Variants in SIK2 observed in about 807,000 individuals in gnomAD.
SIK2 encodes serine/threonine-protein kinase SIK2.
SIK2 carries 29 observed loss-of-function variants against 103.2 expected under a neutral mutation model. The observed-to-expected ratio is 0.28, with a 90% CI of 0.21 to 0.38. The LOEUF (loss-of-function observed/expected upper bound fraction) is 0.38, where lower values mean the gene tolerates loss of function less well. Among genes scored for constraint, SIK2 ranks in the 10% least tolerant of loss-of-function variants. The pLI, the probability that SIK2 is intolerant of heterozygous loss-of-function variation, is 1.00. For synonymous variants in SIK2, 412 were observed against 446.1 expected (o/e 0.92, Z 0.96); for missense variants, 879 against 1,171.0 (o/e 0.75, Z 3.64).
Position 111,719,808 on chromosome 11 carries a change from G to C in SIK2, c.1300G>C (p.Val434Leu). 6.2e-7 allele frequency: 1 copy of C among 1,614,140 alleles called. No individual in the cohort carries two copies. The highest frequency in any genetic ancestry group is 8.5e-7 in the Non-Finnish European group (1 of 1,180,030). Residue 434 changes from valine to leucine, a missense_variant, in exon 10 of 15, where the codon GTC becomes CTC. Physicochemically the swap from Val to Leu is conservative, Grantham distance 32 (BLOSUM62 1). Transcript: ENST00000304987. ...NGCLLDPVPP[V>L]LVRKGCQSLP... The stretch of plus-strand genomic sequence containing the variant: ...CTGTCTGCTTGACCCTGTGCCTCCT[G>C]TCCTGGTGCGGAAGGGATGCCAGTC...
At chr11:111,680,753 T>C (rs1341701716) in intron 3 of SIK2, among the ~76,000 whole-genome samples, 2 of 152,218 alleles carry the variant, frequency 1.3e-5, no homozygotes, top group Non-Finnish European at 2.9e-5. Flanking sequence ...GGGATACCAC[T>C]AAGCAGTGAC....
At chr11:111,684,091 T>C (rs188658087) in intron 3 of SIK2, among the ~76,000 whole-genome samples, 5 of 152,328 alleles carry the variant, frequency 3.3e-5, no homozygotes, top group Admixed American at 6.5e-5. Context: ...TCACACTGTG[T>C]GTGAGATTAC....
intron 7 of SIK2, 21 bp downstream of exon 7, chr11:111,703,444 G>C (rs375042738): frequency 6.2e-7 from 1 of 1,608,240 alleles, no homozygotes; most frequent in African/African-American, 1.3e-5. Context: ...CAGAGATTTC[G>C]GGGTTCTACT....
At position 111,602,726 on chromosome 11, in the gene SIK2, C is replaced by A; in HGVS notation, c.135+28C>A. On this transcript the variant is annotated intron_variant, in intron 1 of 14. Coordinates refer to ENST00000304987, the MANE Select transcript of SIK2 (RefSeq NM_015191.3). The surrounding 1 kb of genome is among the most constrained non-coding windows in gnomAD (Gnocchi z 4.5). ...GCGGCCCGGGGCTCGGCGGGAGCGT[C>A]CGAGGCGAGGGTTCGGGAGAGGAGC... 6.8e-7 allele frequency: 1 copy of A among 1,479,712 alleles called. No homozygotes were observed. Among genetic ancestry groups the A allele is most frequent in the Non-Finnish European group, 9.0e-7 (1 of 1,112,382 alleles). The allele number at this position is 1,479,712 out of a possible 1,614,324, so 91.7% of individuals were successfully genotyped here.
Position 111,705,137 on chromosome 11 carries a change from A to C in SIK2, c.1099A>C (p.Lys367Gln), listed in dbSNP as rs771757413. The C allele has an allele frequency of 1.9e-6, 3 of 1,566,566 alleles. No individual in the cohort carries two copies. In the South Asian group the frequency reaches 3.7e-5, roughly 19 times the overall value. ...CACCATTGCTGAGCAAACAGTTGCC[A>C]AGGTAATGCCCCCTTAGCTGAGAGT... ...PSTIAEQTVA[K>Q]AQTVGLPVTM... The change falls in exon 8 of 15, where the codon AAG (lysine) becomes CAG (glutamine). Residue 367 changes from lysine to glutamine, a missense_variant and splice_region_variant. By Grantham distance (53) the Lys-to-Gln change is moderately conservative (BLOSUM62 1). Coordinates refer to ENST00000304987, the MANE Select transcript of SIK2 (RefSeq NM_015191.3). This position sits in a 1 kb window ranked among gnomAD's most constrained non-coding sequence, Gnocchi z 4.3.
chr11:111,628,306 A>G (rs1184807429), intron 3 of SIK2, among the ~76,000 whole-genome samples: 1 of 152,110 alleles, frequency 6.6e-6, no homozygotes, highest in Non-Finnish European at 1.5e-5. Flanking sequence ...ATTTACTAGT[A>G]TTAGTTTAAG....
chr11:111,681,698 A>G (rs918915318), intron 3 of SIK2, among the ~76,000 whole-genome samples: 4 of 152,218 alleles, frequency 2.6e-5, no homozygotes, highest in African/African-American at 9.6e-5. Context: ...AGTTTTTTTC[A>G]GAATAATAAC....
At chr11:111,641,124 T>C (rs1200377518) in intron 3 of SIK2, among the ~76,000 whole-genome samples, 1 of 152,160 alleles carries the variant, frequency 6.6e-6, no homozygotes, top group East Asian at 1.9e-4. Context: ...TTCTTGGAAA[T>C]TGCCTTTTGT....
intron 14 of SIK2, among the ~76,000 whole-genome samples, chr11:111,723,235 A>G (rs1358711249): frequency 1.3e-5 from 2 of 152,168 alleles, no homozygotes; most frequent in Admixed American, 6.5e-5. Flanking sequence ...TCATCCTCTC[A>G]TTGTATAAAG....
At position 111,637,582 on chromosome 11, in the gene SIK2, C is replaced by T. The variant is rs185641400; in HGVS notation, c.316+17180C>T. Among the ~76,000 whole-genome samples the T allele has an allele frequency of 4.7e-3, 719 of 151,582 alleles. 5 individuals are homozygous for T. The highest frequency in any genetic ancestry group is 0.016 in the African/African-American group (666 of 41,266). ...TCAAGTGATTCTCCTGCCTCAGCCT[C>T]CCCAGTAGCTGGGTTTACAGGTGCC... On this transcript the variant is annotated intron_variant, in intron 3 of 14. Transcript: ENST00000304987.
intron 4 of SIK2, among the ~76,000 whole-genome samples, chr11:111,699,933 T>C (rs1255817923): frequency 6.6e-6 from 1 of 152,228 alleles, no homozygotes; most frequent in Non-Finnish European, 1.5e-5. Context: ...CATGCAATGC[T>C]GTGCTCCAGC....
At chr11:111,717,746 G>A (rs557902270) in intron 9 of SIK2, among the ~76,000 whole-genome samples, 6 of 152,280 alleles carry the variant, frequency 3.9e-5, no homozygotes, top group African/African-American at 1.4e-4. Flanking sequence ...TATACACCAT[G>A]GAATACCATG....
At chr11:111,612,311 G>A (rs987403055) in intron 1 of SIK2, among the ~76,000 whole-genome samples, 2 of 152,114 alleles carry the variant, frequency 1.3e-5, no homozygotes, top group East Asian at 3.9e-4. Context: ...AAAATATGCT[G>A]AAGTATCTTT....
Position 111,688,181 on chromosome 11 carries a change from G to C in SIK2, c.478+19G>C. ...ATAGCAGGTAACTGGGACACAACTG[G>C]CTCTAATAAGATCCGAAGTGAGCCA... On this transcript the variant is annotated intron_variant, in intron 4 of 14. Coordinates refer to ENST00000304987, the MANE Select transcript of SIK2 (RefSeq NM_015191.3). This position sits in a 1 kb window ranked among gnomAD's most constrained non-coding sequence, Gnocchi z 4.2. 6.2e-7 allele frequency: 1 copy of C among 1,613,786 alleles called. No individual in the cohort carries two copies. The highest frequency in any genetic ancestry group is 8.5e-7 in the Non-Finnish European group (1 of 1,179,838).
chr11:111,620,220 C>G, intron 2 of SIK2, 119 bp from the exon 3 acceptor site: 1 of 706,738 alleles, frequency 1.4e-6, no homozygotes, highest in Non-Finnish European at 2.5e-6. Context: ...TAGCCATCTT[C>G]GGAATTGTTC....
intron 7 of SIK2, among the ~76,000 whole-genome samples, chr11:111,704,636 C>A (rs1291831985): frequency 6.6e-6 from 1 of 152,114 alleles, no homozygotes; most frequent in African/African-American, 2.4e-5. Context: ...TGCTAACTGA[C>A]CTTACACCAC....
chr11:111,617,850 GTATA>G (rs1210026911), intron 2 of SIK2, among the ~76,000 whole-genome samples: 42 of 150,594 alleles, frequency 2.8e-4, no homozygotes, highest in Middle Eastern at 3.4e-3. Context: ...GTGTGTGTGT[GTATA>G]TATATATACA....
rs535161472 is a variant in SIK2 at position 111,683,996 on chromosome 11, C to T, written c.317-4005C>T. Among the ~76,000 whole-genome samples, 225 of 152,282 alleles carry T rather than the reference C, an allele frequency of 1.5e-3. 2 individuals carry two copies. Among genetic ancestry groups the T allele is most frequent in the African/African-American group, 5.3e-3 (219 of 41,556 alleles). ...AAGCATGGGGAAGATAATAGATACA[C>T]TGGAATGCCTGCCGAGATTTTCACC... On this transcript the variant is annotated intron_variant, in intron 3 of 14. Transcript: ENST00000304987.
chr11:111,684,785 T>C (rs1227699832), intron 3 of SIK2, among the ~76,000 whole-genome samples: 1 of 152,224 alleles, frequency 6.6e-6, no homozygotes, highest in East Asian at 1.9e-4. Context: ...GCATACTTGT[T>C]CTTAAGTGAT....
Sources: gnomAD v4.1 joint callset for allele counts (sites outside exome capture counted in the v4.1 genomes callset) on GRCh38, gnomAD v4.1.1 for gene constraint, Gnocchi (gnomAD v3.1) non-coding constraint, MANE v1.5 for transcripts, NCBI Gene and HGNC (gene_info 2026-07-23, HGNC 2026-07-21) for gene names.